The following MAP7 variants were observed in gnomAD, a reference collection of about 807,000 sequenced individuals.
The protein encoded by MAP7 is microtubule associated protein 7, also known as ensconsin.
In MAP7, 52 loss-of-function variants were observed where a neutral mutation model predicts 94.8. The ratio of observed to expected loss-of-function variants is 0.55; its 90% CI spans 0.44 to 0.69. MAP7 has a LOEUF of 0.69. MAP7 is among the 30% of genes least tolerant of loss of function. The pLI, the probability that MAP7 is intolerant of heterozygous loss-of-function variation, is 0.00. For missense variants in MAP7, 940 were observed against 964.6 expected (o/e 0.97, Z 0.34); for synonymous variants, 350 against 357.0 (o/e 0.98, Z 0.22).
At chr6:136,403,730 G>C (rs1188160660) in intron 3 of MAP7, among the ~76,000 whole-genome samples, 1 of 152,166 alleles carries the variant, frequency 6.6e-6, no homozygotes, top group Non-Finnish European at 1.5e-5. Context: ...TGGCTGCTTT[G>C]TCATAATGAC....
At chr6:136,411,848 G>C in intron 2 of MAP7, 151 bp from the exon 3 acceptor site, 1 of 603,216 alleles carries the variant, frequency 1.7e-6, no homozygotes. Flanking sequence ...TAGAGTTACA[G>C]TGATCTACTC....
At position 136,361,034 on chromosome 6, in the gene MAP7, G is replaced by A. The variant is rs2076190; in HGVS notation, c.1672C>T (p.Arg558Trp). The change falls in exon 12 of 18, where the codon CGG becomes TGG. Residue 558 changes from arginine (R) to tryptophan (W), a missense_variant. Arg to Trp is a moderately radical substitution (Grantham distance 101). Transcript: ENST00000354570. ...CTCTGGGCGCGCTCTGCCTCCTCCC[G>A]CTCGCGCAGCGCCCGCTCCTCCGCC... ...RQAEERALRE[R>W]EEAERAQRQK... The A allele has an allele frequency of 0.83, 1,302,499 of 1,578,168 alleles. 538,980 individuals are homozygous for A. Among genetic ancestry groups the A allele is most frequent in the South Asian group, 0.84 (75,217 of 89,054 alleles).
chr6:136,466,362 AT>A (rs903991063), intron 1 of MAP7, among the ~76,000 whole-genome samples: 2 of 151,918 alleles, frequency 1.3e-5, no homozygotes, highest in African/African-American at 2.4e-5. Flanking sequence ...ATATACTGAA[AT>A]TTTTTTTGGA....
intron 2 of MAP7, among the ~76,000 whole-genome samples, chr6:136,416,777 G>T (rs571721782): frequency 6.6e-6 from 1 of 151,518 alleles, no homozygotes; most frequent in African/African-American, 2.4e-5. Flanking sequence ...CTGCACTCCA[G>T]CATGGGTGAC....
chr6:136,420,392 AG>A, intron 2 of MAP7: 1 of 542,964 alleles, frequency 1.8e-6, no homozygotes. Flanking sequence ...CCAGGAGGCC[AG>A]GGGAACTCAG....
At chr6:136,452,561 T>A (rs966210917) in intron 1 of MAP7, among the ~76,000 whole-genome samples, 7 of 151,352 alleles carry the variant, frequency 4.6e-5, no homozygotes, top group Admixed American at 4.6e-4. Context: ...TTTTTTTAAT[T>A]TTTTTTTTTG....
intron 1 of MAP7, among the ~76,000 whole-genome samples, chr6:136,476,449 G>C (rs1394900864): frequency 1.3e-5 from 2 of 152,040 alleles, no homozygotes; most frequent in African/African-American, 4.8e-5. Context: ...TTCCTTTTAA[G>C]GTGCTTTCTC....
intron 1 of MAP7, among the ~76,000 whole-genome samples, chr6:136,491,137 A>C (rs139793489): frequency 1.3e-5 from 2 of 152,350 alleles, no homozygotes; most frequent in East Asian, 1.9e-4. Context: ...ACAGACTATT[A>C]AACCTGTTTT....
rs569141293 is a variant in MAP7 at position 136,410,139 on chromosome 6, G to C, written c.244+1481C>G. ...AAAGGTGTGAGTTAAGTATGGAAAA[G>C]CTAATTCACAATGTGATTTAAACCA... is the stretch of plus-strand genomic sequence containing the variant. On this transcript the variant is annotated intron_variant, in intron 3 of 17. Transcript: ENST00000354570. 5.9e-5 allele frequency among the ~76,000 whole-genome samples: 9 copies of C among 152,274 alleles called. No individual in the cohort carries two copies. In the South Asian group the frequency reaches 8.3e-4, roughly 14 times the overall value.
intron 7 of MAP7, among the ~76,000 whole-genome samples, chr6:136,373,425 G>T (rs1035229670): frequency 2.0e-5 from 3 of 152,130 alleles, no homozygotes; most frequent in African/African-American, 7.2e-5. Flanking sequence ...CCAAATGTAA[G>T]GTTGAACCGT....
intron 1 of MAP7, among the ~76,000 whole-genome samples, chr6:136,501,936 G>A (rs899967690): frequency 1.3e-5 from 2 of 152,152 alleles, no homozygotes; most frequent in South Asian, 4.1e-4. Context: ...AATTCAGAGG[G>A]CCACAGGCAG....
At chr6:136,380,401 T>A (rs2128630778) in intron 6 of MAP7, among the ~76,000 whole-genome samples, 1 of 152,336 alleles carries the variant, frequency 6.6e-6, no homozygotes, top group African/African-American at 2.4e-5. Flanking sequence ...GTATTCTATA[T>A]TTTAAGTGTT....
intron 3 of MAP7, among the ~76,000 whole-genome samples, chr6:136,390,773 T>C (rs2128666744): frequency 6.6e-6 from 1 of 152,352 alleles, no homozygotes; most frequent in East Asian, 1.9e-4. Flanking sequence ...CTTTCCAAAG[T>C]TAGTCATTTG....
Position 136,372,573 on chromosome 6 carries a change from C to T in MAP7, c.804G>A (p.Ser268=), listed in dbSNP as rs1774872822. 3 of 1,614,116 alleles carry T rather than the reference C, an allele frequency of 1.9e-6. No homozygotes were observed. Among genetic ancestry groups the T allele is most frequent in the Admixed American group, 1.7e-5 (1 of 60,004 alleles). Reference sequence around the variant, plus strand: ...TTACAAAGAGTTTTGGTCGATCCATCGAATTTCTAGAGTGTGCAGCTTTGT... The same window carrying T: ...TTACAAAGAGTTTTGGTCGATCCATTGAATTTCTAGAGTGTGCAGCTTTGT... ...MPYKAAHSRN[S]MDRPKLFVTP... Residue 268 remains serine (S), a synonymous_variant, in exon 8 of 18, where the codon TCG becomes TCA. Transcript: ENST00000354570.
intron 1 of MAP7, among the ~76,000 whole-genome samples, chr6:136,521,050 G>A (rs970826525): frequency 2.6e-5 from 4 of 152,172 alleles, no homozygotes; most frequent in African/African-American, 9.7e-5. Flanking sequence ...AGGGGCACTG[G>A]AGCACGCATG....
At chr6:136,403,041 G>A (rs1240418919) in intron 3 of MAP7, among the ~76,000 whole-genome samples, 1 of 151,756 alleles carries the variant, frequency 6.6e-6, no homozygotes, top group East Asian at 1.9e-4. Context: ...CAGGGCAATG[G>A]TTGTCCTTGG....
At chr6:136,532,444 T>A (rs1471437790) in intron 1 of MAP7, among the ~76,000 whole-genome samples, 1 of 152,044 alleles carries the variant, frequency 6.6e-6, no homozygotes, top group Non-Finnish European at 1.5e-5. Flanking sequence ...AAGGTTAACA[T>A]ATGGAAGAAT....
intron 1 of MAP7, among the ~76,000 whole-genome samples, chr6:136,498,284 GATGTTCATC>G (rs1345297134): frequency 6.6e-6 from 1 of 152,054 alleles, no homozygotes; most frequent in African/African-American, 2.4e-5. Flanking sequence ...TAAAAACTGT[GATGTTCATC>G]ATCAGCATGA....
At chr6:136,405,987 C>T (rs996029221) in intron 3 of MAP7, among the ~76,000 whole-genome samples, 1 of 152,172 alleles carries the variant, frequency 6.6e-6, no homozygotes, top group Non-Finnish European at 1.5e-5. Flanking sequence ...AATACTCCAG[C>T]ATCCCTGGCT....
Sources: allele counts gnomAD v4.1 joint callset (sites outside exome capture counted in the v4.1 genomes callset), GRCh38; gene constraint gnomAD v4.1.1; transcripts MANE v1.5; gene names NCBI Gene and HGNC (gene_info 2026-07-23, HGNC 2026-07-21).